EVA1C: variants seen among roughly 807,000 people sequenced by gnomAD.
The protein encoded by EVA1C is eva-1 homolog C, also known as protein eva-1 homolog C.
A neutral mutation model predicts 45.4 loss-of-function variants in EVA1C; 25 were observed. The observed-to-expected ratio is 0.55, with a 90% confidence interval of 0.40 to 0.77. The LOEUF is 0.77. Among genes scored for constraint, EVA1C ranks in the 30% least tolerant of loss-of-function variants. The pLI, the probability that EVA1C is intolerant of heterozygous loss-of-function variation, is 0.00. For synonymous variants in EVA1C, 190 were observed against 221.2 expected, an observed-to-expected ratio of 0.86 and a Z score of 1.25; for missense variants, 479 against 554.8, an observed-to-expected ratio of 0.86 and a Z score of 1.37.
chr21:32,465,349 A>T (rs2036135099), intron 3 of EVA1C, among the ~76,000 whole-genome samples: 1 of 152,134 alleles, frequency 6.6e-6, no homozygotes, highest in Admixed American at 6.6e-5. Context: ...TTCTCTCTGG[A>T]CAGTCTTCCC....
In EVA1C at chr21:32,465,386, C is replaced by T. The variant is rs141092702; in HGVS notation, c.482-2310C>T. Among the ~76,000 whole-genome samples the T allele has an allele frequency of 3.3e-4, 50 of 152,240 alleles. No individual in the cohort carries two copies. The East Asian group carries it at 5.8e-3, about 18-fold the overall frequency. On this transcript the variant is annotated intron_variant, in intron 3 of 7. Transcript: ENST00000300255. The stretch of plus-strand genomic sequence containing the variant: ...CCCACCCCAGGCCAGCCCATGACAG[C>T]CCAAGCAGTTCTTGCCATTTAACTC...
chr21:32,514,814 C>T lies in EVA1C; in HGVS notation c.950C>T (p.Ala317Val), dbSNP rs770591343. The T allele has an allele frequency of 9.1e-6, 14 of 1,543,424 alleles. 1 individual carries two copies. The South Asian group carries it at 1.5e-4, about 17-fold the overall frequency. The part of the protein sequence containing the change: ...NSLAAFAYIR[A>V]HPERAALLFV... ...CTGACATGTTCTCTTCCTCCTGCAG[C>T]CCACCCGGAGAGAGCTGCCCTGCTG... The change falls in exon 8 of 8, where the codon GCC (alanine) becomes GTC (valine). Residue 317 changes from alanine (A) to valine (V), a missense_variant and splice_region_variant. Physicochemically the swap from Ala to Val is moderately conservative, Grantham distance 64. This residue lies in a region of EVA1C where 366 missense variants were observed against 426.1 expected (regional missense o/e 0.86). Transcript: ENST00000300255.
intron 1 of EVA1C, among the ~76,000 whole-genome samples, chr21:32,438,942 G>A (rs2035069429): frequency 6.6e-6 from 1 of 152,076 alleles, no homozygotes; most frequent in Non-Finnish European, 1.5e-5. Flanking sequence ...AGAATAGTAA[G>A]CATAAGATTG....
At chr21:32,450,971 G>C (rs1484336951) in intron 1 of EVA1C, among the ~76,000 whole-genome samples, 1 of 152,114 alleles carries the variant, frequency 6.6e-6, no homozygotes, top group East Asian at 1.9e-4. Context: ...TGGTTTTCAA[G>C]GGTGAAAAAA....
intron 1 of EVA1C, 44 bp downstream of exon 1, chr21:32,413,057 C>G: frequency 7.6e-7 from 1 of 1,323,720 alleles, no homozygotes; most frequent in Non-Finnish European, 9.7e-7. Context: ...CACCGCGGAG[C>G]GCCCAGGTGA....
chr21:32,493,778 A>T (rs1346435607), intron 4 of EVA1C: 1 of 114,486 alleles, frequency 8.7e-6, no homozygotes, highest in African/African-American at 5.2e-5. Context: ...CTTTTTATTT[A>T]TTTATTTATT....
chr21:32,412,806 C>T lies in EVA1C; in HGVS notation c.-48C>T. On this transcript the variant is annotated 5_prime_UTR_variant, in exon 1 of 8. Transcript: ENST00000300255. Reference sequence around the variant, plus strand: ...GTGACGCCGTCCTTAGCCCTGCGACCCCCAGCGCGTCCCGGGCCTGCGCCT... The same window carrying T: ...GTGACGCCGTCCTTAGCCCTGCGACTCCCAGCGCGTCCCGGGCCTGCGCCT... The T allele has an allele frequency of 7.5e-7, 1 of 1,342,026 alleles. No homozygotes were observed. The highest frequency in any genetic ancestry group is 9.5e-7 in the Non-Finnish European group (1 of 1,053,684). 83.1% of individuals were successfully genotyped at this position (1,342,026 alleles called of 1,614,324 possible).
In EVA1C at chr21:32,412,751, G is replaced by A; in HGVS notation, c.-103G>A. 1.7e-6 allele frequency: 2 copies of A among 1,193,648 alleles called. No homozygotes were observed. Among genetic ancestry groups the A allele is most frequent in the East Asian group, 6.5e-5 (2 of 30,716 alleles). The allele number at this position is 1,193,648 out of a possible 1,614,324, so 73.9% of individuals were successfully genotyped here. A position where few individuals can be genotyped will look rare whatever the true frequency, so the allele number is the denominator to read the frequency against. ...GGCAGGGAGGCGGCGGGGGGCCGCG[G>A]AGCCGCTGGCCATCGATTCTCCCCG... On this transcript the variant is annotated 5_prime_UTR_variant, in exon 1 of 8. Transcript: ENST00000300255.
At chr21:32,508,333 C>T (rs2037842231) in intron 7 of EVA1C, among the ~76,000 whole-genome samples, 1 of 152,176 alleles carries the variant, frequency 6.6e-6, no homozygotes, top group Non-Finnish European at 1.5e-5. Context: ...TCTGGCAGGC[C>T]CTGCTGTGGG....
intron 1 of EVA1C, among the ~76,000 whole-genome samples, chr21:32,430,571 G>A (rs1247307560): frequency 2.0e-5 from 3 of 151,936 alleles, no homozygotes; most frequent in African/African-American, 4.8e-5. Flanking sequence ...ACAGATCCAC[G>A]TGACTGGGGA....
intron 5 of EVA1C, among the ~76,000 whole-genome samples, chr21:32,500,644 G>C (rs2037499221): frequency 1.3e-5 from 2 of 149,742 alleles, no homozygotes; most frequent in Admixed American, 1.3e-4. Flanking sequence ...CCCGGTCCCA[G>C]ATAACCACGC....
chr21:32,414,398 A>G (rs1237561508), intron 1 of EVA1C, among the ~76,000 whole-genome samples: 1 of 152,184 alleles, frequency 6.6e-6, no homozygotes, highest in African/African-American at 2.4e-5. Context: ...TTCAGCCACC[A>G]TCTAGCTCTG....
intron 5 of EVA1C, among the ~76,000 whole-genome samples, chr21:32,497,924 A>G (rs2037405385): frequency 6.6e-6 from 1 of 152,106 alleles, no homozygotes. Flanking sequence ...CTAAGATTCA[A>G]TCATCTCCCA....
At position 32,474,977 on chromosome 21, in the gene EVA1C, C is replaced by A. The variant is rs371717735; in HGVS notation, c.634+7129C>A. Among the ~76,000 whole-genome samples, 5 of 152,206 alleles carry A rather than the reference C, an allele frequency of 3.3e-5. No homozygotes were observed. Among genetic ancestry groups the A allele is most frequent in the Non-Finnish European group, 5.9e-5 (4 of 68,046 alleles). The stretch of plus-strand genomic sequence containing the variant: ...GCTCCCATTTACTACTGCAGCTCAG[C>A]CTCGCTGCTTTCAAGGGGAAAAGGG... On this transcript the variant is annotated intron_variant, in intron 4 of 7. Coordinates refer to ENST00000300255, the MANE Select transcript of EVA1C (RefSeq NM_058187.5). The surrounding 1 kb of genome is among the most constrained non-coding windows in gnomAD (Gnocchi z 4.4).
At chr21:32,502,032 CTTTCT>C (rs776354513) in intron 6 of EVA1C, among the ~76,000 whole-genome samples, 25 of 103,392 alleles carry the variant, frequency 2.4e-4, no homozygotes, top group South Asian at 2.9e-4. Context: ...TTCTTTCTTT[CTTTCT>C]TTCTTTCTTT....
In EVA1C at chr21:32,512,727, C is replaced by T. The variant is rs1305628399; in HGVS notation, c.950-2087C>T. On this transcript the variant is annotated intron_variant, in intron 7 of 7. Transcript: ENST00000300255. ...CCTCACACTCAGCACTCCTTGAGGT[C>T]GGCAGCATCACTGGCAGTGGGGCTC... Among the ~76,000 whole-genome samples the T allele has an allele frequency of 3.9e-5, 6 of 152,274 alleles. No homozygotes were observed. The East Asian group carries it at 1.2e-3, about 29-fold the overall frequency.
rs1369161115 is a variant in EVA1C at position 32,496,671 on chromosome 21, G to A, written c.778+1501G>A. ...GTAGACTGGACACGGGTCACACTGA[G>A]GTTCCAGTAACTTCAGGCCTCTTCA... On this transcript the variant is annotated intron_variant, in intron 5 of 7. Transcript: ENST00000300255. 7.3e-6 allele frequency: 4 copies of A among 551,630 alleles called. No individual in the cohort carries two copies. In the Admixed American group the frequency reaches 1.3e-4, roughly 18 times the overall value. 34.2% of individuals were successfully genotyped at this position (551,630 alleles called of 1,614,324 possible).
intron 4 of EVA1C, among the ~76,000 whole-genome samples, chr21:32,482,803 C>T (rs2036833011): frequency 6.6e-6 from 1 of 151,742 alleles, no homozygotes; most frequent in Admixed American, 6.6e-5. Context: ...TCTGGAACCA[C>T]TGTCCTGCCC....
chr21:32,497,276 C>A, intron 5 of EVA1C: 2 of 718,776 alleles, frequency 2.8e-6, no homozygotes, highest in Non-Finnish European at 5.0e-6. Context: ...GACATTAGAT[C>A]AAAGAAAACA....
Sources: gnomAD v4.1 joint callset for allele counts (sites outside exome capture counted in the v4.1 genomes callset) on GRCh38, gnomAD v4.1.1 for gene constraint, gnomAD v4.1.1 regional missense constraint, Gnocchi (gnomAD v3.1) non-coding constraint, MANE v1.5 for transcripts, NCBI Gene and HGNC (gene_info 2026-07-23, HGNC 2026-07-21) for gene names.